The following BTBD9 variants were observed in gnomAD, a reference collection of about 807,000 sequenced individuals.
The protein encoded by BTBD9 is BTB domain containing 9.
In BTBD9, 49 loss-of-function variants were observed where a neutral mutation model predicts 64.3. That is an observed-to-expected ratio of 0.76 (90% CI 0.61 to 0.97). BTBD9 has a LOEUF of 0.97. Ranked by LOEUF, BTBD9 falls within the 50% of genes least tolerant of loss-of-function variation. The probability of loss-of-function intolerance (pLI) is 0.00; values close to 1 mark genes in which losing one functional copy is unlikely to be tolerated. For synonymous variants in BTBD9, 260 were observed against 274.7 expected, an observed-to-expected ratio of 0.95 and a Z score of 0.53; for missense variants, 598 against 762.1, an observed-to-expected ratio of 0.78 and a Z score of 2.53.
intron 7 of BTBD9, among the ~76,000 whole-genome samples, chr6:38,337,903 G>A (rs1292602876): frequency 6.6e-6 from 1 of 152,146 alleles, no homozygotes; most frequent in African/African-American, 2.4e-5. Context: ...TGAAATATAG[G>A]AGGAAGGAAA....
At chr6:38,443,644 CTCTT>C (rs1425139104) in intron 6 of BTBD9, among the ~76,000 whole-genome samples, 8 of 152,326 alleles carry the variant, frequency 5.3e-5, no homozygotes, top group African/African-American at 1.4e-4. Context: ...GTCTCTCTCT[CTCTT>C]TCTCTCGCTC....
At chr6:38,544,549 G>C (rs1774441088) in intron 6 of BTBD9, among the ~76,000 whole-genome samples, 1 of 152,096 alleles carries the variant, frequency 6.6e-6, no homozygotes, top group South Asian at 2.1e-4. Flanking sequence ...AGCATTCCAG[G>C]TAGAGGGAAC....
chr6:38,602,599 T>G (rs886330552), intron 1 of BTBD9, among the ~76,000 whole-genome samples: 1 of 152,086 alleles, frequency 6.6e-6, no homozygotes. Context: ...CTACATACTT[T>G]GTAATGTTTA....
chr6:38,275,324 T>C (rs1765345833), intron 8 of BTBD9, among the ~76,000 whole-genome samples: 1 of 151,920 alleles, frequency 6.6e-6, no homozygotes, highest in Non-Finnish European at 1.5e-5. Flanking sequence ...GATCCCTTCC[T>C]TACACCTTAT....
At chr6:38,183,341 C>T (rs947280964) in intron 10 of BTBD9, among the ~76,000 whole-genome samples, 2 of 152,206 alleles carry the variant, frequency 1.3e-5, no homozygotes, top group African/African-American at 4.8e-5. Context: ...TCCTGTCTCA[C>T]TGGGAAGGAA....
At chr6:38,439,509 C>T (rs1227316807) in intron 6 of BTBD9, among the ~76,000 whole-genome samples, 9 of 152,048 alleles carry the variant, frequency 5.9e-5, no homozygotes, top group Admixed American at 5.9e-4. Flanking sequence ...CCACTGCAAC[C>T]TCTGCCTCCC....
At chr6:38,262,325 AG>A (rs1479106478) in intron 8 of BTBD9, among the ~76,000 whole-genome samples, 1 of 152,234 alleles carries the variant, frequency 6.6e-6, no homozygotes, top group Admixed American at 6.5e-5. Context: ...TTATTGATGC[AG>A]ATCAGGTCGG....
intron 6 of BTBD9, among the ~76,000 whole-genome samples, chr6:38,371,953 A>G (rs1765446811): frequency 6.6e-6 from 1 of 152,234 alleles, no homozygotes; most frequent in Non-Finnish European, 1.5e-5. Context: ...CTAGTTTTAG[A>G]CAAACCAAAT....
chr6:38,288,610 C>T (rs201865109), intron 7 of BTBD9, 149 bp from the exon 8 acceptor site: 7 of 707,494 alleles, frequency 9.9e-6, no homozygotes, highest in Admixed American at 2.9e-5. Context: ...GATATGAATA[C>T]ATTTTCCATG....
intron 6 of BTBD9, among the ~76,000 whole-genome samples, chr6:38,374,083 CA>C (rs1765533948): frequency 6.6e-6 from 1 of 150,512 alleles, no homozygotes; most frequent in African/African-American, 2.5e-5. Flanking sequence ...CCAGCCTGGC[CA>C]ACATGGTGAA....
At chr6:38,457,980 T>C (rs887182308) in intron 6 of BTBD9, among the ~76,000 whole-genome samples, 1 of 152,162 alleles carries the variant, frequency 6.6e-6, no homozygotes, top group African/African-American at 2.4e-5. Flanking sequence ...GATATCATCA[T>C]GTATGTGGCG....
At chr6:38,378,069 C>A (rs1355059457) in intron 6 of BTBD9, among the ~76,000 whole-genome samples, 1 of 152,116 alleles carries the variant, frequency 6.6e-6, no homozygotes, top group Non-Finnish European at 1.5e-5. Flanking sequence ...AACTTCCGAA[C>A]TTCCCATGGC....
At chr6:38,177,268 G>A (rs1037295635) in intron 10 of BTBD9, among the ~76,000 whole-genome samples, 3 of 152,098 alleles carry the variant, frequency 2.0e-5, no homozygotes, top group Non-Finnish European at 4.4e-5. Flanking sequence ...CACTCCTCTG[G>A]TATTGAATGG....
At chr6:38,290,850 T>C (rs746703254) in intron 7 of BTBD9, among the ~76,000 whole-genome samples, 7 of 152,244 alleles carry the variant, frequency 4.6e-5, no homozygotes, top group Non-Finnish European at 1.0e-4. Flanking sequence ...GAACAACATT[T>C]AATGTCTACT....
intron 6 of BTBD9, among the ~76,000 whole-genome samples, chr6:38,424,556 G>A (rs930844443): frequency 5.9e-5 from 9 of 151,644 alleles, no homozygotes; most frequent in African/African-American, 1.5e-4. Context: ...TCGCTCTGTC[G>A]CCCAGGCTGG....
At chr6:38,332,243 C>T (rs997566031) in intron 7 of BTBD9, among the ~76,000 whole-genome samples, 51 of 152,042 alleles carry the variant, frequency 3.4e-4, no homozygotes, top group Non-Finnish European at 3.2e-4. Context: ...TGTTCCTCAC[C>T]TTGAGATAAG....
At chr6:38,461,787 C>G (rs1049087907) in intron 6 of BTBD9, among the ~76,000 whole-genome samples, 4 of 152,216 alleles carry the variant, frequency 2.6e-5, no homozygotes, top group African/African-American at 9.7e-5. Context: ...ACCAACAGAG[C>G]AGCAGAGTGT....
chr6:38,426,794 C>T (rs1768178918), intron 6 of BTBD9, among the ~76,000 whole-genome samples: 1 of 151,808 alleles, frequency 6.6e-6, no homozygotes, highest in Admixed American at 6.6e-5. Context: ...GATTCCATTT[C>T]TTGGAATCCA....
chr6:38,462,310 A>T (rs1770130115), intron 6 of BTBD9, among the ~76,000 whole-genome samples: 1 of 152,182 alleles, frequency 6.6e-6, no homozygotes, highest in Admixed American at 6.5e-5. Flanking sequence ...TTACATTTAG[A>T]TCGATAATCC....
Sources: allele counts gnomAD v4.1 joint callset (sites outside exome capture counted in the v4.1 genomes callset), GRCh38; gene constraint gnomAD v4.1.1; transcripts MANE v1.5; gene names NCBI Gene and HGNC (gene_info 2026-07-23, HGNC 2026-07-21).